FAM78B: variants seen among roughly 807,000 people sequenced by gnomAD.
The protein encoded by FAM78B is family with sequence similarity 78 member B, also known as protein FAM78B.
In FAM78B, 10 loss-of-function variants were observed where a neutral mutation model predicts 20.0. The observed-to-expected ratio is 0.50, with a 90% confidence interval of 0.31 to 0.85. The LOEUF (loss-of-function observed/expected upper bound fraction) is 0.85. Among genes scored for constraint, FAM78B ranks in the 40% least tolerant of loss-of-function variants. The pLI is 0.05. For synonymous variants in FAM78B, 135 were observed against 132.8 expected (o/e 1.02, Z -0.12); for missense variants, 283 against 345.0 (o/e 0.82, Z 1.42).
At chr1:166,056,088 C>A (rs1055663707), downstream of FAM78B, among the ~76,000 whole-genome samples, 1 of 152,138 alleles carries the variant, frequency 6.6e-6, no homozygotes. Flanking sequence ...GCTGCTCAGG[C>A]CACCTGGTGA....
intron 1 of FAM78B, among the ~76,000 whole-genome samples, chr1:166,123,187 G>T (rs1286090691): frequency 6.6e-6 from 1 of 152,250 alleles, no homozygotes; most frequent in African/African-American, 2.4e-5. Context: ...TCTGGCAGCT[G>T]CCTCCTTCTG....
At position 166,153,964 on chromosome 1, in the gene FAM78B, CT is replaced by C. The variant is rs547587914; in HGVS notation, c.263+12021del. ...GACACAGCACCATTTGATCATGCCC[CT>C]ATGCTGAAATGCCTCAATAAAACAA... is the stretch of plus-strand genomic sequence containing the variant. On this transcript the variant is annotated intron_variant, in intron 1 of 1. Transcript: ENST00000354422. 1.8e-3 allele frequency among the ~76,000 whole-genome samples: 272 copies of C among 152,266 alleles called. 1 individual carries two copies. In the South Asian group the frequency reaches 0.02, roughly 11 times the overall value.
intron 1 of FAM78B, among the ~76,000 whole-genome samples, chr1:166,076,655 A>G (rs1652289158): frequency 6.6e-6 from 1 of 152,188 alleles, no homozygotes; most frequent in African/African-American, 2.4e-5. Flanking sequence ...GGATTTTTAT[A>G]TATTTTATTC....
rs1006660957 is a variant in FAM78B, at chr1:166,108,901, C to G, written c.264-38138G>C. 3.9e-5 allele frequency among the ~76,000 whole-genome samples: 6 copies of G among 151,986 alleles called. 1 individual carries two copies. The highest frequency in any genetic ancestry group is 1.4e-4 in the African/African-American group (6 of 41,420). ...TCTTTGACAAAGCAAATAAAAACAT[C>G]CAGTGGGGGAAAGGACACCCTTGTC... On this transcript the variant is annotated intron_variant, in intron 1 of 1. Coordinates refer to ENST00000354422, the MANE Select transcript of FAM78B (RefSeq NM_001017961.5).
chr1:166,121,222 A>T (rs977164832), intron 1 of FAM78B, among the ~76,000 whole-genome samples: 1 of 152,190 alleles, frequency 6.6e-6, no homozygotes, highest in East Asian at 1.9e-4. Flanking sequence ...CAAGGTCCAC[A>T]AGGGGCCACA....
At chr1:166,145,798 A>G (rs1655431062) in intron 1 of FAM78B, among the ~76,000 whole-genome samples, 1 of 152,198 alleles carries the variant, frequency 6.6e-6, no homozygotes, top group African/African-American at 2.4e-5. Context: ...TAAATTCACA[A>G]CCTGAAGGCC....
At chr1:166,111,619 A>G (rs1248076615) in intron 1 of FAM78B, among the ~76,000 whole-genome samples, 1 of 152,204 alleles carries the variant, frequency 6.6e-6, no homozygotes, top group Non-Finnish European at 1.5e-5. Context: ...GTGGGGGAAA[A>G]GTCAAACTCC....
At chr1:166,076,486 A>G (rs1299772148) in intron 1 of FAM78B, among the ~76,000 whole-genome samples, 1 of 152,038 alleles carries the variant, frequency 6.6e-6, no homozygotes, top group African/African-American at 2.4e-5. Context: ...CTTTCCTAAC[A>G]ACCATATTTA....
chr1:166,127,313 T>C (rs1037388442), intron 1 of FAM78B, among the ~76,000 whole-genome samples: 1 of 152,206 alleles, frequency 6.6e-6, no homozygotes, highest in Non-Finnish European at 1.5e-5. Flanking sequence ...GCATATATAT[T>C]GGCTGCCTCC....
intron 1 of FAM78B, among the ~76,000 whole-genome samples, chr1:166,109,831 T>C (rs10918364): frequency 0.065 from 1,097 of 16,774 alleles, 82 homozygotes; most frequent in East Asian, 0.17. Flanking sequence ...TATATATATA[T>C]GTATATATGT....
At chr1:166,093,901 G>C (rs1191110146) in intron 1 of FAM78B, among the ~76,000 whole-genome samples, 1 of 152,044 alleles carries the variant, frequency 6.6e-6, no homozygotes, top group Admixed American at 6.6e-5. Context: ...CTGCTGCAGA[G>C]GGACTTGCAT....
At chr1:166,122,312 A>G (rs891789) in intron 1 of FAM78B, among the ~76,000 whole-genome samples, 145,659 of 152,212 alleles carry the variant, frequency 0.96, 70,031 homozygotes, top group East Asian at 1. Context: ...CCAGATGAGT[A>G]GGGTTTCTAA....
chr1:166,072,130 G>A (rs1652073243), intron 1 of FAM78B, among the ~76,000 whole-genome samples: 1 of 152,130 alleles, frequency 6.6e-6, no homozygotes, highest in Non-Finnish European at 1.5e-5. Context: ...GATCCTGCAG[G>A]GTTTTATACA....
At chr1:166,127,002 G>T (rs187899281) in intron 1 of FAM78B, among the ~76,000 whole-genome samples, 1 of 152,310 alleles carries the variant, frequency 6.6e-6, no homozygotes, top group East Asian at 1.9e-4. Flanking sequence ...GAATCCAAGA[G>T]ATCTCACCTG....
At chr1:166,060,886 CTA>C (rs1027499040) in intron 2 of FAM78B, among the ~76,000 whole-genome samples, 2 of 152,032 alleles carry the variant, frequency 1.3e-5, no homozygotes, top group Non-Finnish European at 2.9e-5. Context: ...AGATTAAAAA[CTA>C]AAATAATATT....
intron 1 of FAM78B, among the ~76,000 whole-genome samples, chr1:166,078,905 G>T (rs1272340746): frequency 6.6e-6 from 1 of 151,090 alleles, no homozygotes; most frequent in Admixed American, 6.6e-5. Flanking sequence ...CAGGTGAGAG[G>T]AGCCCTGGCC....
intron 1 of FAM78B, among the ~76,000 whole-genome samples, chr1:166,094,807 C>T (rs187108459): frequency 1.1e-4 from 17 of 152,282 alleles, no homozygotes; most frequent in African/African-American, 3.6e-4. Context: ...CTTCCTTGGT[C>T]GTGACAGCAA....
At chr1:166,139,880 G>A (rs1277783484) in intron 1 of FAM78B, among the ~76,000 whole-genome samples, 1 of 152,222 alleles carries the variant, frequency 6.6e-6, no homozygotes, top group Non-Finnish European at 1.5e-5. Flanking sequence ...TGGCTGTCCT[G>A]CTGTGAGGTT....
Position 166,166,379 on chromosome 1 carries a change from G to A in FAM78B, c.-131C>T. On this transcript the variant is annotated 5_prime_UTR_variant, in exon 1 of 2. Coordinates refer to ENST00000354422, the MANE Select transcript of FAM78B (RefSeq NM_001017961.5). ...GGTCAGACTCAGCTCGCACCTAGGA[G>A]CGGGGAGCCGCCGGGCATCCTTGGG... 1.2e-6 allele frequency: 1 copy of A among 832,892 alleles called. No individual in the cohort carries two copies. Among genetic ancestry groups the A allele is most frequent in the Non-Finnish European group, 1.5e-6 (1 of 681,352 alleles). 51.6% of individuals were successfully genotyped at this position (832,892 alleles called of 1,614,324 possible).
Sources: gnomAD v4.1 joint callset for allele counts (sites outside exome capture counted in the v4.1 genomes callset) on GRCh38, gnomAD v4.1.1 for gene constraint, MANE v1.5 for transcripts, NCBI Gene and HGNC (gene_info 2026-07-23, HGNC 2026-07-21) for gene names.